The following ZFP64 variants were observed in gnomAD, a reference collection of about 807,000 sequenced individuals.
ZFP64 encodes the protein ZFP64 zinc finger protein.
In ZFP64, 14 loss-of-function variants were observed where a neutral mutation model predicts 51.6. The ratio of observed to expected loss-of-function variants is 0.27; its 90% CI spans 0.18 to 0.42. The LOEUF is 0.42. ZFP64 is among the 10% of genes least tolerant of loss of function. The pLI is 1.00. For synonymous variants in ZFP64, 375 were observed against 361.4 expected (o/e 1.04, Z -0.43); for missense variants, 754 against 906.8 (o/e 0.83, Z 2.16).
chr20:52,191,540 G>A lies in ZFP64; in HGVS notation c.46+51C>T. ...GCAGACGTGCTTGGGCCCGGGCCCCGGAGCGCGCACTGGGCCCCGGAGCGC... is the reference window on the plus strand; with the variant it reads ...GCAGACGTGCTTGGGCCCGGGCCCCAGAGCGCGCACTGGGCCCCGGAGCGC... On this transcript the variant is annotated intron_variant, in intron 1 of 5. Coordinates refer to ENST00000216923, the MANE Select transcript of ZFP64 (RefSeq NM_018197.3). The surrounding 1 kb of genome is among the most constrained non-coding windows in gnomAD (Gnocchi z 4.3). 2 of 1,505,790 alleles carry A rather than the reference G, an allele frequency of 1.3e-6. No individual in the cohort carries two copies. The highest frequency in any genetic ancestry group is 1.3e-5 in the South Asian group (1 of 79,678). The allele number at this position is 1,505,790 out of a possible 1,614,324, so 93.3% of individuals were successfully genotyped here. A position where few individuals can be genotyped will look rare whatever the true frequency, so the allele number is the denominator to read the frequency against.
At chr20:52,102,953 C>A (rs951497112) in intron 5 of ZFP64, among the ~76,000 whole-genome samples, 2 of 151,784 alleles carry the variant, frequency 1.3e-5, no homozygotes, top group Admixed American at 6.6e-5. Flanking sequence ...ATGTTTTCAA[C>A]GCAAACTAGA....
At chr20:52,164,841 C>A in intron 3 of ZFP64, 84 bp from the exon 4 acceptor site, 1 of 1,121,330 alleles carries the variant, frequency 8.9e-7, no homozygotes, top group Non-Finnish European at 1.3e-6. Flanking sequence ...CATCCTTAAC[C>A]AAGTGACAAG....
At chr20:52,097,890 G>A (rs1456661940) in intron 6 of ZFP64, among the ~76,000 whole-genome samples, 1 of 105,344 alleles carries the variant, frequency 9.5e-6, no homozygotes, top group Non-Finnish European at 1.9e-5. Flanking sequence ...GTAACGTAGA[G>A]ACCCCCGCCC....
intron 2 of ZFP64, among the ~76,000 whole-genome samples, chr20:52,168,014 CT>C (rs1328735334): frequency 4.6e-5 from 7 of 152,216 alleles, no homozygotes; most frequent in Non-Finnish European, 7.4e-5. Context: ...ACAACTCTTT[CT>C]TTTTTTAGGT....
At chr20:52,176,924 T>G in intron 2 of ZFP64, among the ~76,000 whole-genome samples, 1 of 152,336 alleles carries the variant, frequency 6.6e-6, no homozygotes, top group East Asian at 1.9e-4. Flanking sequence ...GTAGGGGGTC[T>G]GTTCTAAGCA....
chr20:52,124,998 T>C (rs546312639), intron 5 of ZFP64, among the ~76,000 whole-genome samples: 1 of 152,294 alleles, frequency 6.6e-6, no homozygotes, highest in East Asian at 1.9e-4. Flanking sequence ...AAGGCATTTG[T>C]GGTGTGCTGG....
intron 5 of ZFP64, among the ~76,000 whole-genome samples, chr20:52,142,377 G>GACACACAC (rs142317072): frequency 0.017 from 2,068 of 118,408 alleles, 49 homozygotes; most frequent in Admixed American, 0.064. Flanking sequence ...CACACACACA[G>GACACACAC]ACACACACAC....
intron 5 of ZFP64, among the ~76,000 whole-genome samples, chr20:52,099,448 GAAGA>G (rs1340398356): frequency 3.3e-5 from 5 of 152,240 alleles, no homozygotes; most frequent in East Asian, 1.9e-4. Flanking sequence ...TAACTTGAAA[GAAGA>G]AAGATGGAAG....
At chr20:52,149,166 G>A (rs143618382), downstream of ZFP64, among the ~76,000 whole-genome samples, 1,019 of 151,858 alleles carry the variant, frequency 6.7e-3, 6 homozygotes, top group South Asian at 0.022. Flanking sequence ...TCCAAAGGTA[G>A]TTGAGCTCAC....
intron 5 of ZFP64, among the ~76,000 whole-genome samples, chr20:52,139,268 T>C (rs919348869): frequency 1.1e-4 from 17 of 152,112 alleles, no homozygotes; most frequent in Admixed American, 8.5e-4. Context: ...TGCCCATCAA[T>C]GGTGGGCTGG....
intron 1 of ZFP64, 128 bp from the exon 2 acceptor site, chr20:52,187,199 C>G (rs777786598): frequency 7.9e-5 from 73 of 920,770 alleles, no homozygotes; most frequent in Middle Eastern, 2.4e-4. Flanking sequence ...AGTATCCACT[C>G]CACCTTCCTC....
intron 5 of ZFP64, among the ~76,000 whole-genome samples, chr20:52,136,078 G>T (rs548798342): frequency 2.6e-5 from 3 of 115,140 alleles, no homozygotes; most frequent in Non-Finnish European, 4.9e-5. Context: ...CAGCCTAGGC[G>T]ATGGAGGGAG....
At chr20:52,159,285 T>A (rs544881640) in intron 5 of ZFP64, among the ~76,000 whole-genome samples, 1 of 152,272 alleles carries the variant, frequency 6.6e-6, no homozygotes, top group South Asian at 2.1e-4. Flanking sequence ...TTACCTACTC[T>A]GCTAATTTTG....
At chr20:52,170,779 A>T (rs1299288661) in intron 2 of ZFP64, among the ~76,000 whole-genome samples, 1 of 152,234 alleles carries the variant, frequency 6.6e-6, no homozygotes, top group Non-Finnish European at 1.5e-5. Flanking sequence ...ACTGTGTGCC[A>T]GGAACTGTTC....
intron 7 of ZFP64, among the ~76,000 whole-genome samples, chr20:52,091,255 T>C (rs1034650776): frequency 1.3e-5 from 2 of 150,884 alleles, no homozygotes; most frequent in Non-Finnish European, 3.0e-5. Flanking sequence ...CCCAGCACAC[T>C]GGGAGGCCAA....
At chr20:52,189,658 G>C (rs1281250674) in intron 1 of ZFP64, among the ~76,000 whole-genome samples, 1 of 151,852 alleles carries the variant, frequency 6.6e-6, no homozygotes, top group Non-Finnish European at 1.5e-5. Flanking sequence ...ATTTTTAGTA[G>C]AAATGGGGTT....
rs184606384 is a variant in ZFP64, at chr20:52,151,930, G to A, written c.*216C>T. The A allele has an allele frequency of 6.1e-6, 7 of 1,144,092 alleles. No individual in the cohort carries two copies. The East Asian group carries it at 9.1e-5, about 15-fold the overall frequency. 70.9% of individuals were successfully genotyped at this position (1,144,092 alleles called of 1,614,324 possible). A position where few individuals can be genotyped will look rare whatever the true frequency, so the allele number is the denominator to read the frequency against. ...CGTACACCTGTGGTCCCAGCTACTC[G>A]GAGGGCTGAGGCATGAGAATCGCTT... On this transcript the variant is annotated 3_prime_UTR_variant, in exon 6 of 6. Transcript: ENST00000216923.
rs151291756 is a variant in ZFP64 at position 52,142,485 on chromosome 20, C to T, written c.763+17638G>A. The stretch of plus-strand genomic sequence containing the variant: ...TACATTAAAAGCCCAGATTTCACCT[C>T]TATGCAATATATCCATGTAACAAAA... On this transcript the variant is annotated intron_variant, in intron 5 of 8. Transcript: ENST00000361387. Among the ~76,000 whole-genome samples, 106 of 151,936 alleles carry T rather than the reference C, an allele frequency of 7.0e-4. 1 individual carries two copies. The highest frequency in any genetic ancestry group is 2.4e-3 in the African/African-American group (101 of 41,420).
chr20:52,185,579 C>CTTTTTTTTTTTTTTTTTTTTT, intron 2 of ZFP64, among the ~76,000 whole-genome samples: 1 of 127,862 alleles, frequency 7.8e-6, no homozygotes, highest in Non-Finnish European at 1.6e-5. Context: ...CCACTTTGCA[C>CTTTTTTTTTTTTTTTTTTTTT]TTTTTTTTTT....
Sources: allele counts gnomAD v4.1 joint callset (sites outside exome capture counted in the v4.1 genomes callset), GRCh38; gene constraint gnomAD v4.1.1; non-coding constraint Gnocchi (gnomAD v3.1); transcripts MANE v1.5; gene names NCBI Gene and HGNC (gene_info 2026-07-23, HGNC 2026-07-21).